GPC5: variants seen among roughly 807,000 people sequenced by gnomAD.
GPC5 encodes glypican 5, also known as glypican-5.
In GPC5, 47 loss-of-function variants were observed where a neutral mutation model predicts 53.9. The observed-to-expected ratio is 0.87, with a 90% CI of 0.69 to 1.11. GPC5 has a LOEUF of 1.11. GPC5 is among the 50% of genes most tolerant of loss of function. GPC5 has a pLI of 0.00. For synonymous variants in GPC5, 286 were observed against 263.3 expected, an observed-to-expected ratio of 1.09 and a Z score of -0.84; for missense variants, 748 against 713.1, an observed-to-expected ratio of 1.05 and a Z score of -0.56.
intron 7 of GPC5, among the ~76,000 whole-genome samples, chr13:92,516,275 T>C (rs1880776235): frequency 6.6e-6 from 1 of 152,152 alleles, no homozygotes; most frequent in African/African-American, 2.4e-5. Flanking sequence ...ATAGCAATAG[T>C]TAACATATTA....
In GPC5 at chr13:92,576,322, G is replaced by A. The variant is rs114080625; in HGVS notation, c.1562-289960G>A. On this transcript the variant is annotated intron_variant, in intron 7 of 7. Coordinates refer to ENST00000377067, the MANE Select transcript of GPC5 (RefSeq NM_004466.6). ...GGGAAGAGGGCATTTGAAGGCAGAC[G>A]GTACCTAGGAATGGATGGGCGGTCG... Among the ~76,000 whole-genome samples the A allele has an allele frequency of 6.3e-3, 957 of 152,236 alleles. 13 individuals are homozygous for A. Among genetic ancestry groups the A allele is most frequent in the African/African-American group, 0.022 (896 of 41,526 alleles).
At chr13:92,710,873 CAAT>C (rs1888112833) in intron 7 of GPC5, among the ~76,000 whole-genome samples, 1 of 152,098 alleles carries the variant, frequency 6.6e-6, no homozygotes, top group South Asian at 2.1e-4. Flanking sequence ...TTTTATGTGA[CAAT>C]GATGAATTTG....
intron 7 of GPC5, among the ~76,000 whole-genome samples, chr13:92,834,045 T>C (rs575845230): frequency 2.0e-5 from 3 of 152,230 alleles, no homozygotes; most frequent in East Asian, 3.9e-4. Flanking sequence ...GCACCAATAA[T>C]GGTCTGGATT....
intron 7 of GPC5, among the ~76,000 whole-genome samples, chr13:92,776,044 G>T (rs143325302): frequency 8.7e-4 from 132 of 152,276 alleles, no homozygotes; most frequent in Admixed American, 1.9e-3. Context: ...AAACTTAGTG[G>T]CTTAAAACAA....
At chr13:91,687,099 AAATAT>A (rs1269881759) in intron 2 of GPC5, among the ~76,000 whole-genome samples, 1 of 151,996 alleles carries the variant, frequency 6.6e-6, no homozygotes, top group African/African-American at 2.4e-5. Context: ...AAGGGTCATA[AAATAT>A]AAGTACATGT....
chr13:91,529,733 A>G (rs911056293), intron 2 of GPC5, among the ~76,000 whole-genome samples: 1 of 152,202 alleles, frequency 6.6e-6, no homozygotes, highest in African/African-American at 2.4e-5. Context: ...TCCCCATACT[A>G]GTAGTAAAAT....
intron 7 of GPC5, among the ~76,000 whole-genome samples, chr13:92,821,684 A>T (rs1163202454): frequency 1.3e-5 from 2 of 152,190 alleles, no homozygotes; most frequent in African/African-American, 4.8e-5. Flanking sequence ...CCACAAATGC[A>T]TATTTGTCAG....
At chr13:91,914,421 T>G (rs1366251563) in intron 6 of GPC5, among the ~76,000 whole-genome samples, 2 of 152,130 alleles carry the variant, frequency 1.3e-5, no homozygotes, top group Non-Finnish European at 2.9e-5. Context: ...TATTAAATAT[T>G]CATTTTTATA....
chr13:91,913,629 C>T (rs1413467769), intron 6 of GPC5, among the ~76,000 whole-genome samples: 2 of 152,162 alleles, frequency 1.3e-5, no homozygotes, highest in Non-Finnish European at 2.9e-5. Flanking sequence ...AGTGTTCCTT[C>T]ATTCCCTCTG....
At chr13:91,938,391 A>C (rs1207574323) in intron 6 of GPC5, among the ~76,000 whole-genome samples, 1 of 152,154 alleles carries the variant, frequency 6.6e-6, no homozygotes, top group Non-Finnish European at 1.5e-5. Context: ...ACCACAAGGC[A>C]GGCACCATGC....
intron 7 of GPC5, among the ~76,000 whole-genome samples, chr13:92,260,773 A>C (rs763171184): frequency 2.6e-5 from 4 of 152,192 alleles, no homozygotes; most frequent in Non-Finnish European, 5.9e-5. Flanking sequence ...AAAGACTGAT[A>C]AAACATCCAT....
chr13:92,566,839 TAA>T (rs1882878814), intron 7 of GPC5, among the ~76,000 whole-genome samples: 2 of 152,130 alleles, frequency 1.3e-5, no homozygotes, highest in Non-Finnish European at 2.9e-5. Context: ...ATGTAAATAA[TAA>T]TATTAAAGAG....
At chr13:92,646,727 A>G (rs756761603) in intron 7 of GPC5, among the ~76,000 whole-genome samples, 15 of 151,902 alleles carry the variant, frequency 9.9e-5, no homozygotes, top group Non-Finnish European at 1.9e-4. Context: ...CAGTACACAA[A>G]TCTTGCTTAT....
chr13:92,613,350 A>AAATATATAATATATTTATATAT (rs1372080109), intron 7 of GPC5, among the ~76,000 whole-genome samples: 1 of 102,194 alleles, frequency 9.8e-6, no homozygotes, highest in African/African-American at 4.0e-5. Flanking sequence ...ATTTATATAT[A>AAATATATAATATATTTATATAT]AATATATAAT....
intron 2 of GPC5, among the ~76,000 whole-genome samples, chr13:91,650,742 T>G (rs1322456419): frequency 1.5e-5 from 2 of 134,548 alleles, no homozygotes; most frequent in East Asian, 2.2e-4. Context: ...GAAACAAAAT[T>G]CCCATAAGTT....
chr13:92,075,894 A>G (rs2041247945), intron 6 of GPC5, among the ~76,000 whole-genome samples: 2 of 152,210 alleles, frequency 1.3e-5, no homozygotes, highest in African/African-American at 2.4e-5. Context: ...ATTCTAGGCT[A>G]TCTGAAGCTA....
At chr13:92,828,643 T>A (rs1877934697) in intron 7 of GPC5, among the ~76,000 whole-genome samples, 1 of 152,154 alleles carries the variant, frequency 6.6e-6, no homozygotes, top group African/African-American at 2.4e-5. Flanking sequence ...TGTGACATCC[T>A]TTAGTGGAAC....
At chr13:92,097,454 TC>T (rs1436243155) in intron 6 of GPC5, among the ~76,000 whole-genome samples, 1 of 152,200 alleles carries the variant, frequency 6.6e-6, no homozygotes, top group Non-Finnish European at 1.5e-5. Context: ...AATTAGACAA[TC>T]TTTTGCTAAT....
chr13:91,832,517 C>T (rs1003662480), intron 5 of GPC5, among the ~76,000 whole-genome samples: 13 of 151,916 alleles, frequency 8.6e-5, no homozygotes, highest in Non-Finnish European at 1.3e-4. Context: ...TTGATCCTGT[C>T]ATTATGATGC....
Sources: gnomAD v4.1 joint callset for allele counts (sites outside exome capture counted in the v4.1 genomes callset) on GRCh38, gnomAD v4.1.1 for gene constraint, MANE v1.5 for transcripts, NCBI Gene and HGNC (gene_info 2026-07-23, HGNC 2026-07-21) for gene names.